SLC38A2: variants seen among roughly 807,000 people sequenced by gnomAD.
SLC38A2 encodes sodium-coupled neutral amino acid symporter 2.
A neutral mutation model predicts 61.5 loss-of-function variants in SLC38A2; 11 were observed. The ratio of observed to expected loss-of-function variants is 0.18; its 90% CI spans 0.11 to 0.30. The LOEUF (loss-of-function observed/expected upper bound fraction) is 0.30, where lower values mean the gene tolerates loss of function less well. SLC38A2 is among the 10% of genes least tolerant of loss of function. SLC38A2 has a pLI of 1.00. For synonymous variants in SLC38A2, 217 were observed against 212.5 expected (o/e 1.02, Z -0.18); for missense variants, 522 against 600.4 (o/e 0.87, Z 1.36).
chr12:46,369,070 A>G (rs553173192), intron 4 of SLC38A2, among the ~76,000 whole-genome samples: 1 of 152,368 alleles, frequency 6.6e-6, no homozygotes, highest in Non-Finnish European at 1.5e-5. Context: ...ATTAAAGTAT[A>G]ATTCCAAGAG....
At chr12:46,368,083 C>T (rs1218380398) in intron 4 of SLC38A2, among the ~76,000 whole-genome samples, 1 of 151,876 alleles carries the variant, frequency 6.6e-6, no homozygotes, top group Non-Finnish European at 1.5e-5. Flanking sequence ...TGCACTCAGC[C>T]TGGAGGACAA....
chr12:46,368,514 A>G (rs1943162266), intron 4 of SLC38A2, among the ~76,000 whole-genome samples: 1 of 152,226 alleles, frequency 6.6e-6, no homozygotes, highest in Non-Finnish European at 1.5e-5. Context: ...GAGCCCAGAG[A>G]TACAGACTAA....
chr12:46,371,272 G>C lies in SLC38A2; in HGVS notation c.22C>G (p.Arg8Gly). The change falls in exon 2 of 16, where the codon CGA becomes GGA. Residue 8 changes from arginine (R) to glycine (G), a missense_variant. Transcript: ENST00000256689. ...TCTTCATCCGGGGAAATACTGAATC[G>C]TCCCATTTCGGCCTTCTTCATGCTA... MKKAEMG[R>G]FSISPDEDSS... The C allele has an allele frequency of 6.2e-7, 1 of 1,614,184 alleles. No individual in the cohort carries two copies.
Position 46,364,705 on chromosome 12 carries a change from A to G in SLC38A2, c.647-3T>C, listed in dbSNP as rs750010838. On this transcript the variant is annotated splice_region_variant and splice_polypyrimidine_tract_variant and intron_variant, in intron 8 of 15. Transcript: ENST00000256689. ...GCCACTGGTATATCCCAAATATCCT[A>G]TAAGGAGGGGTGGCAGGAATCAGTA... 9 of 1,605,556 alleles carry G rather than the reference A, an allele frequency of 5.6e-6. No individual in the cohort carries two copies. The highest frequency in any genetic ancestry group is 4.5e-5 in the East Asian group (2 of 44,830).
Position 46,362,268 on chromosome 12 carries a change from A to C in SLC38A2, c.1422+16T>G. The C allele has an allele frequency of 6.4e-7, 1 of 1,569,240 alleles. No homozygotes were observed. The highest frequency in any genetic ancestry group is 8.7e-7 in the Non-Finnish European group (1 of 1,150,794). The stretch of plus-strand genomic sequence containing the variant: ...TGATATTATTACTGTTTCTATGGTT[A>C]TAATCTTTCACTCACCCCAATCTTT... On this transcript the variant is annotated intron_variant, in intron 15 of 15. Transcript: ENST00000256689.
In SLC38A2 at chr12:46,364,382, T is replaced by C. The variant is rs1943115978; in HGVS notation, c.873+7A>G. ...CTTCTTTTGAGAAAATAAGCATATTTAGTTACCTGTGAGTTGAAAATAAAA... is the reference window on the plus strand; with the variant it reads ...CTTCTTTTGAGAAAATAAGCATATTCAGTTACCTGTGAGTTGAAAATAAAA... On this transcript the variant is annotated splice_region_variant and intron_variant, in intron 10 of 15. Transcript: ENST00000256689. 1 of 1,569,542 alleles carries C rather than the reference T, an allele frequency of 6.4e-7. No individual in the cohort carries two copies. Among genetic ancestry groups the C allele is most frequent in the East Asian group, 2.2e-5 (1 of 44,534 alleles).
chr12:46,371,931 G>GGCC (rs1478408021), intron 1 of SLC38A2, among the ~76,000 whole-genome samples: 1 of 152,200 alleles, frequency 6.6e-6, no homozygotes, highest in Non-Finnish European at 1.5e-5. Context: ...CGAACGCCCG[G>GGCC]GCCCCGGGAG....
Position 46,364,380 on chromosome 12 carries a change from T to C in SLC38A2, c.873+9A>G, listed in dbSNP as rs756077711. 1.3e-6 allele frequency: 2 copies of C among 1,568,790 alleles called. No individual in the cohort carries two copies. The highest frequency in any genetic ancestry group is 1.7e-6 in the Non-Finnish European group (2 of 1,163,894). On this transcript the variant is annotated intron_variant, in intron 10 of 15. Transcript: ENST00000256689. ...CTCTTCTTTTGAGAAAATAAGCATA[T>C]TTAGTTACCTGTGAGTTGAAAATAA... is the stretch of plus-strand genomic sequence containing the variant.
chr12:46,370,843 A>C lies in SLC38A2; in HGVS notation c.131T>G (p.Val44Gly), dbSNP rs1488805257. The change falls in exon 3 of 16, where the codon GTA becomes GGA. Residue 44 changes from valine to glycine, a missense_variant. By Grantham distance (109) the Val-to-Gly change is moderately radical. Transcript: ENST00000256689. ...QAALKSHYAD[V>G]DPENQNFLLE... ...TAAAAAGTTCTGGTTTTCAGGATCT[A>C]CATCTGCATAATGGCTGCAAAAAAT... 6.2e-7 allele frequency: 1 copy of C among 1,610,880 alleles called. No individual in the cohort carries two copies. The highest frequency in any genetic ancestry group is 2.2e-5 in the East Asian group (1 of 44,842).
Position 46,364,563 on chromosome 12 carries a change from A to T in SLC38A2, c.706-7T>A, listed in dbSNP as rs1335210356. On this transcript the variant is annotated splice_region_variant and splice_polypyrimidine_tract_variant and intron_variant, in intron 9 of 15. Coordinates refer to ENST00000256689, the MANE Select transcript of SLC38A2 (RefSeq NM_018976.5). ...GAAATTTCTTGCAAATGACCTAAAA[A>T]TATATTATTTTGCATGTGTTAAACT... The T allele has an allele frequency of 2.5e-6, 4 of 1,601,092 alleles. No individual in the cohort carries two copies. Among genetic ancestry groups the T allele is most frequent in the Non-Finnish European group, 3.4e-6 (4 of 1,176,204 alleles).
intron 10 of SLC38A2, 88 bp from the exon 11 acceptor site, chr12:46,364,091 T>G: frequency 8.4e-7 from 1 of 1,194,118 alleles, no homozygotes; most frequent in Non-Finnish European, 1.2e-6. Flanking sequence ...GTAAACAATC[T>G]TAGAATCAAA....
chr12:46,365,280 C>A, intron 7 of SLC38A2, 91 bp from the exon 8 acceptor site: 1 of 991,792 alleles, frequency 1.0e-6, no homozygotes, highest in Non-Finnish European at 1.6e-6. Context: ...ATAGGAATAC[C>A]ATGAAAACAA....
rs1010036561 is a variant in SLC38A2, at chr12:46,366,810, C to G, written c.563+54G>C. On this transcript the variant is annotated intron_variant, in intron 7 of 15. Coordinates refer to ENST00000256689, the MANE Select transcript of SLC38A2 (RefSeq NM_018976.5). ...GTATACAACTTTGATAAAAATGTAT[C>G]TAACCACTTTTGACTATAATTGTTT... 4 of 1,453,676 alleles carry G rather than the reference C, an allele frequency of 2.8e-6. No individual in the cohort carries two copies. In the African/African-American group the frequency reaches 5.7e-5, roughly 21 times the overall value. The allele number at this position is 1,453,676 out of a possible 1,614,324, so 90.0% of individuals were successfully genotyped here.
Position 46,363,727 on chromosome 12 carries a change from G to A in SLC38A2, c.1053C>T (p.Tyr351=), listed in dbSNP as rs144317440. 1.7e-3 allele frequency: 2,675 copies of A among 1,550,480 alleles called. 4 individuals are homozygous for A. Among genetic ancestry groups the A allele is most frequent in the Non-Finnish European group, 2.1e-3 (2,483 of 1,156,382 alleles). Residue 351 remains tyrosine (Y), a splice_region_variant and synonymous_variant, in exon 12 of 16, where the codon TAC becomes TAT. Transcript: ENST00000256689. ...TTTGGTAAAGGAGGCGTTACTTACC[G>A]TAAAATGTTAGGTATCCAAAGAGGG... ...LAALFGYLTF[Y]EHVESELLHT...
chr12:46,364,102 G>T, intron 10 of SLC38A2, 99 bp from the exon 11 acceptor site: 1 of 1,097,880 alleles, frequency 9.1e-7, no homozygotes, highest in East Asian at 2.7e-5. Flanking sequence ...TAGAATCAAA[G>T]CCTAAGTTTC....
chr12:46,362,763 T>C (rs1412730226), intron 13 of SLC38A2, 125 bp from the exon 14 acceptor site: 30 of 1,104,620 alleles, frequency 2.7e-5, no homozygotes, highest in Non-Finnish European at 3.6e-5. Flanking sequence ...TAACTATTTC[T>C]AAATAAAACT....
At chr12:46,365,298 A>C (rs565894469) in intron 7 of SLC38A2, 109 bp from the exon 8 acceptor site, 21 of 902,654 alleles carry the variant, frequency 2.3e-5, no homozygotes, top group East Asian at 2.1e-4. Context: ...CAAACACACA[A>C]AAAAGACATG....
rs570936381 is a variant in SLC38A2 at position 46,371,335 on chromosome 12, G to T, written c.-42C>A. 3 of 1,533,918 alleles carry T rather than the reference G, an allele frequency of 2.0e-6. No individual in the cohort carries two copies. The highest frequency in any genetic ancestry group is 2.3e-5 in the East Asian group (1 of 44,434). The stretch of plus-strand genomic sequence containing the variant: ...AATCGGGTGCAGCTAGTAGCGCTGG[G>T]CTCCTTTTGTCCTTGGCGGTGGGTG... On this transcript the variant is annotated 5_prime_UTR_variant, in exon 2 of 16. Coordinates refer to ENST00000256689, the MANE Select transcript of SLC38A2 (RefSeq NM_018976.5).
At chr12:46,365,531 T>C (rs1009957748) in intron 7 of SLC38A2, among the ~76,000 whole-genome samples, 1 of 152,158 alleles carries the variant, frequency 6.6e-6, no homozygotes, top group Non-Finnish European at 1.5e-5. Flanking sequence ...ATCTTATCTT[T>C]AAGCACTTTC....
Sources: allele counts gnomAD v4.1 joint callset (sites outside exome capture counted in the v4.1 genomes callset), GRCh38; gene constraint gnomAD v4.1.1; transcripts MANE v1.5; gene names NCBI Gene and HGNC (gene_info 2026-07-23, HGNC 2026-07-21).